Variants in NAV2 observed in about 807,000 individuals in gnomAD.
NAV2 encodes the protein neuron navigator 2.
A neutral mutation model predicts 223.2 loss-of-function variants in NAV2; 54 were observed. The observed-to-expected ratio is 0.24, with a 90% CI of 0.19 to 0.30. The LOEUF (loss-of-function observed/expected upper bound fraction) is 0.30, where lower values mean the gene tolerates loss of function less well. Among genes scored for constraint, NAV2 ranks in the 10% least tolerant of loss-of-function variants. The pLI is 1.00. For missense variants in NAV2, 2,806 were observed against 3,147.5 expected (o/e 0.89, Z 2.60); for synonymous variants, 1,279 against 1,239.3 (o/e 1.03, Z -0.67).
At chr11:19,806,854 T>G (rs925925219) in intron 1 of NAV2, among the ~76,000 whole-genome samples, 2 of 152,206 alleles carry the variant, frequency 1.3e-5, no homozygotes, top group African/African-American at 4.8e-5. Flanking sequence ...CTTTCCTCTT[T>G]CGGAGATAAT....
chr11:19,669,796 C>A (rs1234523457), intron 1 of NAV2, among the ~76,000 whole-genome samples: 3 of 152,198 alleles, frequency 2.0e-5, no homozygotes, highest in Non-Finnish European at 4.4e-5. Flanking sequence ...AGGACAAGTG[C>A]CAATGAGTGA....
At chr11:19,818,321 A>G (rs1240141181) in intron 1 of NAV2, among the ~76,000 whole-genome samples, 1 of 146,400 alleles carries the variant, frequency 6.8e-6, no homozygotes, top group African/African-American at 2.5e-5. Flanking sequence ...CAAGGAGAAA[A>G]GCCTGATAGG....
At chr11:19,712,678 G>A (rs940122628), upstream of NAV2, 1 of 152,160 alleles carries the variant, frequency 6.6e-6, no homozygotes, top group African/African-American at 2.4e-5. Flanking sequence ...TTGTACTCGC[G>A]GCCAAGCGCG....
At chr11:19,394,806 A>T (rs577749447) in intron 1 of NAV2, among the ~76,000 whole-genome samples, 9 of 152,280 alleles carry the variant, frequency 5.9e-5, no homozygotes, top group African/African-American at 2.2e-4. Context: ...AAGAGGTTCA[A>T]ATGTGGCGGG....
At chr11:19,601,981 C>T (rs926451535) in intron 1 of NAV2, among the ~76,000 whole-genome samples, 1 of 152,170 alleles carries the variant, frequency 6.6e-6, no homozygotes, top group Non-Finnish European at 1.5e-5. Context: ...GCCTAGATGA[C>T]CTGCCCCACC....
chr11:19,759,608 T>G (rs907478945), intron 1 of NAV2, among the ~76,000 whole-genome samples: 1 of 152,196 alleles, frequency 6.6e-6, no homozygotes, highest in African/African-American at 2.4e-5. Flanking sequence ...GAGCGGGGCC[T>G]CTGGTGCTGG....
At chr11:19,770,055 A>G (rs767757135) in intron 1 of NAV2, among the ~76,000 whole-genome samples, 18 of 152,168 alleles carry the variant, frequency 1.2e-4, no homozygotes, top group Admixed American at 1.3e-4. Context: ...ACAAAACAAA[A>G]CAAAAAACCA....
At chr11:20,084,205 C>G (rs2060273716) in intron 26 of NAV2, among the ~76,000 whole-genome samples, 1 of 152,212 alleles carries the variant, frequency 6.6e-6, no homozygotes, top group African/African-American at 2.4e-5. Context: ...GCAAGCAATT[C>G]TCCTGTCTCA....
chr11:19,640,196 T>G (rs2047626585), intron 1 of NAV2, among the ~76,000 whole-genome samples: 1 of 152,204 alleles, frequency 6.6e-6, no homozygotes, highest in Non-Finnish European at 1.5e-5. Context: ...TGGAATGGCA[T>G]TTTCCAAGCA....
At chr11:19,614,913 AC>A (rs761143445) in intron 1 of NAV2, among the ~76,000 whole-genome samples, 21 of 152,016 alleles carry the variant, frequency 1.4e-4, no homozygotes, top group Non-Finnish European at 2.4e-4. Context: ...CTCTCTAGCC[AC>A]CATAAACTTT....
intron 11 of NAV2, among the ~76,000 whole-genome samples, chr11:19,992,796 G>A (rs2051471479): frequency 6.6e-6 from 1 of 152,064 alleles, no homozygotes; most frequent in African/African-American, 2.4e-5. Context: ...GTTTTGCCAT[G>A]TTGGCCAGGC....
At chr11:19,809,157 T>G (rs548059080) in intron 1 of NAV2, among the ~76,000 whole-genome samples, 1 of 152,350 alleles carries the variant, frequency 6.6e-6, no homozygotes, top group Non-Finnish European at 1.5e-5. Context: ...GAACAGTTAC[T>G]AATGAGTATT....
chr11:19,520,425 G>A (rs2043610917), intron 1 of NAV2, among the ~76,000 whole-genome samples: 1 of 152,250 alleles, frequency 6.6e-6, no homozygotes, highest in South Asian at 2.1e-4. Flanking sequence ...CGTGGCCTGT[G>A]GGGCCCACCT....
chr11:19,810,105 T>C (rs1198809814), intron 1 of NAV2, among the ~76,000 whole-genome samples: 1 of 152,240 alleles, frequency 6.6e-6, no homozygotes, highest in Non-Finnish European at 1.5e-5. Flanking sequence ...ATTTTTCTCT[T>C]CTATTTATTT....
chr11:19,479,551 A>G (rs1328680197), intron 1 of NAV2, among the ~76,000 whole-genome samples: 1 of 152,164 alleles, frequency 6.6e-6, no homozygotes, highest in Non-Finnish European at 1.5e-5. Flanking sequence ...AGCTTAAGTC[A>G]TTTACCCAAA....
chr11:19,735,426 G>A (rs148971291), intron 1 of NAV2, among the ~76,000 whole-genome samples: 1 of 152,328 alleles, frequency 6.6e-6, no homozygotes, highest in East Asian at 1.9e-4. Flanking sequence ...ATCTATATCA[G>A]AGGTAATAGT....
At chr11:19,907,452 C>T (rs1361167698) in intron 6 of NAV2, among the ~76,000 whole-genome samples, 1 of 152,120 alleles carries the variant, frequency 6.6e-6, no homozygotes, top group Non-Finnish European at 1.5e-5. Context: ...AAATATCCAC[C>T]CTGTTATCTT....
intron 12 of NAV2, among the ~76,000 whole-genome samples, chr11:20,042,043 G>T (rs749095352): frequency 3.4e-4 from 51 of 152,228 alleles, no homozygotes; most frequent in South Asian, 2.1e-4. Context: ...ACCATGGGTG[G>T]GAAATCAGTC....
At chr11:19,721,800 T>A (rs2050770193) in intron 1 of NAV2, among the ~76,000 whole-genome samples, 1 of 152,224 alleles carries the variant, frequency 6.6e-6, no homozygotes, top group African/African-American at 2.4e-5. Flanking sequence ...AATGTCCTTT[T>A]TCTTGGGAGC....
Sources: allele counts gnomAD v4.1 joint callset (sites outside exome capture counted in the v4.1 genomes callset), GRCh38; gene constraint gnomAD v4.1.1; transcripts MANE v1.5; gene names NCBI Gene and HGNC (gene_info 2026-07-23, HGNC 2026-07-21).